The following B3GAT2 variants were observed in gnomAD, a reference collection of about 807,000 sequenced individuals.
The protein encoded by B3GAT2 is beta-1,3-glucuronyltransferase 2, also known as galactosylgalactosylxylosylprotein 3-beta-glucuronosyltransferase 2.
B3GAT2 carries 26 observed loss-of-function variants against 27.8 expected under a neutral mutation model. The ratio of observed to expected loss-of-function variants is 0.93; its 90% CI spans 0.68 to 1.30. The LOEUF (loss-of-function observed/expected upper bound fraction) is 1.30, where lower values mean the gene tolerates loss of function less well. Ranked by LOEUF, B3GAT2 falls within the 50% of genes most tolerant of loss-of-function variation. The probability of loss-of-function intolerance (pLI) is 0.00; values close to 1 mark genes in which losing one functional copy is unlikely to be tolerated. For missense variants in B3GAT2, 458 were observed against 459.0 expected (o/e 1.00, Z 0.02); for synonymous variants, 218 against 195.1 (o/e 1.12, Z -0.98).
chr6:70,875,704 A>G (rs150825903), intron 2 of B3GAT2, among the ~76,000 whole-genome samples: 1 of 152,344 alleles, frequency 6.6e-6, no homozygotes, highest in Non-Finnish European at 1.5e-5. Flanking sequence ...TCTGCTGACT[A>G]CTGACTGAAA....
intron 1 of B3GAT2, among the ~76,000 whole-genome samples, chr6:70,903,684 C>T (rs1772548694): frequency 6.6e-6 from 1 of 151,656 alleles, no homozygotes; most frequent in African/African-American, 2.4e-5. Context: ...AATTAAAAAA[C>T]AGAAATTAAA....
At chr6:70,940,696 G>C (rs1404556587) in intron 1 of B3GAT2, among the ~76,000 whole-genome samples, 1 of 152,084 alleles carries the variant, frequency 6.6e-6, no homozygotes, top group East Asian at 1.9e-4. Context: ...GGGAAACCGA[G>C]GTGGGTGCAT....
intron 1 of B3GAT2, among the ~76,000 whole-genome samples, chr6:70,949,008 T>G (rs1424213328): frequency 6.6e-6 from 1 of 152,222 alleles, no homozygotes; most frequent in African/African-American, 2.4e-5. Context: ...GCTAGCCATA[T>G]GTAGAAAGCT....
At chr6:70,900,004 A>C (rs4707862) in intron 1 of B3GAT2, among the ~76,000 whole-genome samples, 15,625 of 152,298 alleles carry the variant, frequency 0.1, 1,014 homozygotes, top group Middle Eastern at 0.16. Context: ...CAGAGCATTA[A>C]AGCAATGGAT....
At position 70,956,335 on chromosome 6, in the gene B3GAT2, G is replaced by A. The variant is rs776603346; in HGVS notation, c.95C>T (p.Pro32Leu). ...GAAGTAGGGGCGCGGGGTGAGCGGGGGCACTGGCCTGCGCGTGTCCACGTC... is the reference window on the plus strand; with the variant it reads ...GAAGTAGGGGCGCGGGGTGAGCGGGAGCACTGGCCTGCGCGTGTCCACGTC... ...MLDVDTRRPV[P>L]PLTPRPYFSP... The change falls in exon 1 of 4, where the codon CCC becomes CTC. Residue 32 changes from proline to leucine, a missense_variant. By Grantham distance (98) the Pro-to-Leu change is moderately conservative (BLOSUM62 -3). Transcript: ENST00000230053. 1.3e-6 allele frequency: 2 copies of A among 1,577,256 alleles called. No homozygotes were observed. The highest frequency in any genetic ancestry group is 2.3e-5 in the East Asian group (1 of 43,000).
intron 1 of B3GAT2, among the ~76,000 whole-genome samples, chr6:70,936,931 C>T (rs1176534410): frequency 5.9e-5 from 9 of 151,590 alleles, no homozygotes; most frequent in African/African-American, 1.9e-4. Flanking sequence ...AATAGAGACA[C>T]AAAAAACCCT....
chr6:70,907,096 T>C (rs1772614802), intron 1 of B3GAT2, among the ~76,000 whole-genome samples: 1 of 152,184 alleles, frequency 6.6e-6, no homozygotes, highest in Admixed American at 6.5e-5. Context: ...TACTTTCTTC[T>C]CTTCCTTATT....
chr6:70,863,486 C>T (rs956560137), intron 2 of B3GAT2, among the ~76,000 whole-genome samples: 2 of 152,182 alleles, frequency 1.3e-5, no homozygotes, highest in Admixed American at 1.3e-4. Context: ...ATCGATACCT[C>T]CACCAACCCT....
chr6:70,909,018 GAA>G (rs1038827579), intron 1 of B3GAT2, among the ~76,000 whole-genome samples: 6 of 152,136 alleles, frequency 3.9e-5, no homozygotes, highest in Non-Finnish European at 7.4e-5. Context: ...TGTAGCTTCA[GAA>G]AAAGATTAAT....
At chr6:70,935,513 G>A (rs1388107081) in intron 1 of B3GAT2, among the ~76,000 whole-genome samples, 9 of 151,228 alleles carry the variant, frequency 6.0e-5, no homozygotes, top group African/African-American at 2.2e-4. Context: ...TGAAAAGTAT[G>A]TTTATTAAAT....
At chr6:70,903,097 AATC>A (rs1259255227) in intron 1 of B3GAT2, among the ~76,000 whole-genome samples, 2 of 152,158 alleles carry the variant, frequency 1.3e-5, no homozygotes, top group Non-Finnish European at 2.9e-5. Context: ...ACATGTATCA[AATC>A]ATCATGTTAT....
At chr6:70,901,505 A>G (rs1471034422) in intron 1 of B3GAT2, among the ~76,000 whole-genome samples, 1 of 152,266 alleles carries the variant, frequency 6.6e-6, no homozygotes, top group African/African-American at 2.4e-5. Flanking sequence ...TCAAAGGGAC[A>G]TAGCCAATTG....
At chr6:70,920,026 A>C (rs1404914051) in intron 1 of B3GAT2, among the ~76,000 whole-genome samples, 1 of 152,172 alleles carries the variant, frequency 6.6e-6, no homozygotes, top group Admixed American at 6.5e-5. Flanking sequence ...CTACAGAGGC[A>C]GTAGGCCTTG....
chr6:70,887,907 G>A (rs1202070611), intron 2 of B3GAT2, among the ~76,000 whole-genome samples: 1 of 152,190 alleles, frequency 6.6e-6, no homozygotes, highest in Non-Finnish European at 1.5e-5. Flanking sequence ...ATTGAGTAGA[G>A]GGGAACAAGA....
chr6:70,859,984 G>T lies in B3GAT2; in HGVS notation c.*1679C>A, dbSNP rs1399964952. ...TTTGGTATTTTTTTTTAAGTAAGTTGTGGTTAATCTTTGGGGAAACTGTAT... is the reference window on the plus strand; with the variant it reads ...TTTGGTATTTTTTTTTAAGTAAGTTTTGGTTAATCTTTGGGGAAACTGTAT... On this transcript the variant is annotated 3_prime_UTR_variant, in exon 4 of 4. Transcript: ENST00000230053. The T allele has an allele frequency of 6.9e-6, 3 of 434,394 alleles. No homozygotes were observed. Among genetic ancestry groups the T allele is most frequent in the Non-Finnish European group, 1.2e-5 (3 of 256,884 alleles). The allele number at this position is 434,394 out of a possible 1,614,324, so 26.9% of individuals were successfully genotyped here.
chr6:70,929,893 T>C (rs552257696), intron 1 of B3GAT2, among the ~76,000 whole-genome samples: 1 of 152,318 alleles, frequency 6.6e-6, no homozygotes, highest in East Asian at 1.9e-4. Context: ...AAGACAATCC[T>C]AAGCAAAAAG....
chr6:70,918,777 T>C (rs1209664391), intron 1 of B3GAT2, among the ~76,000 whole-genome samples: 1 of 152,254 alleles, frequency 6.6e-6, no homozygotes, highest in Non-Finnish European at 1.5e-5. Flanking sequence ...GTTAGTCTGA[T>C]GGGCTTCCCT....
At position 70,857,029 on chromosome 6, in the gene B3GAT2, T is replaced by C; in HGVS notation, c.*4634A>G. On this transcript the variant is annotated 3_prime_UTR_variant, in exon 4 of 4. Transcript: ENST00000230053. ...GAACCATTCAACAGCAAAGTACTCC[T>C]GGTAATGAATTTTGATATCTGCTTT... 1.3e-6 allele frequency: 2 copies of C among 1,598,544 alleles called. No homozygotes were observed. Among genetic ancestry groups the C allele is most frequent in the Non-Finnish European group, 1.7e-6 (2 of 1,172,370 alleles).
intron 1 of B3GAT2, among the ~76,000 whole-genome samples, chr6:70,951,804 C>A (rs1254299092): frequency 2.0e-5 from 3 of 152,070 alleles, no homozygotes; most frequent in Non-Finnish European, 4.4e-5. Context: ...TATGGCATGA[C>A]TCTTAATAGC....
Sources: allele counts gnomAD v4.1 joint callset (sites outside exome capture counted in the v4.1 genomes callset), GRCh38; gene constraint gnomAD v4.1.1; transcripts MANE v1.5; gene names NCBI Gene and HGNC (gene_info 2026-07-23, HGNC 2026-07-21).